Variants in SHROOM3 observed in about 807,000 individuals in gnomAD.
The protein encoded by SHROOM3 is shroom family member 3.
Under a neutral mutation model 138.6 loss-of-function variants are expected in SHROOM3, and 47 were observed. That is an observed-to-expected ratio of 0.34 (90% confidence interval 0.27 to 0.43). The LOEUF (loss-of-function observed/expected upper bound fraction) is 0.43. Ranked by LOEUF, SHROOM3 falls within the 20% of genes least tolerant of loss-of-function variation. The probability of loss-of-function intolerance (pLI) is 1.00; values close to 1 mark genes in which losing one functional copy is unlikely to be tolerated. For synonymous variants in SHROOM3, 1,062 were observed against 1,063.3 expected (o/e 1.00, Z 0.02); for missense variants, 2,491 against 2,596.5 (o/e 0.96, Z 0.88).
intron 1 of SHROOM3, among the ~76,000 whole-genome samples, chr4:76,552,832 A>G (rs1733393485): frequency 6.6e-6 from 1 of 152,062 alleles, no homozygotes; most frequent in African/African-American, 2.4e-5. Context: ...TTGTTTACTC[A>G]GGTTTTGTTT....
Position 76,740,299 on chromosome 4 carries a change from C to T in SHROOM3, c.2126C>T (p.Ala709Val). ...GCAGAAGACCCTGGGAGGAAAGCCG[C>T]TCCTGACCTCGGGAGCCATCTGGAC... is the stretch of plus-strand genomic sequence containing the variant. ...TKAEDPGRKAAPDLGSHLDRQ... is the reference protein window; with the variant it reads ...TKAEDPGRKAVPDLGSHLDRQ... The change falls in exon 5 of 11, where the codon GCT (alanine) becomes GTT (valine). Residue 709 changes from alanine to valine, a missense_variant. Physicochemically the swap from Ala to Val is moderately conservative, Grantham distance 64. Coordinates refer to ENST00000296043, the MANE Select transcript of SHROOM3 (RefSeq NM_020859.4). This position sits in a 1 kb window ranked among gnomAD's most constrained non-coding sequence, Gnocchi z 4.0. 6.8e-6 allele frequency: 11 copies of T among 1,613,166 alleles called. No individual in the cohort carries two copies. Among genetic ancestry groups the T allele is most frequent in the Non-Finnish European group, 9.3e-6 (11 of 1,180,036 alleles).
chr4:76,495,070 TA>T (rs1437802387), intron 1 of SHROOM3, among the ~76,000 whole-genome samples: 16 of 152,262 alleles, frequency 1.1e-4, no homozygotes, highest in Admixed American at 2.0e-4. Flanking sequence ...AGCAGATGGT[TA>T]AAATGCAGTG....
chr4:76,571,130 C>A (rs1370559844), intron 2 of SHROOM3, among the ~76,000 whole-genome samples: 3 of 152,142 alleles, frequency 2.0e-5, no homozygotes. Flanking sequence ...CATTTTCATT[C>A]TTTGATTTAT....
At chr4:76,471,005 TGAGA>T (rs900068682) in intron 1 of SHROOM3, among the ~76,000 whole-genome samples, 11 of 151,936 alleles carry the variant, frequency 7.2e-5, no homozygotes, top group African/African-American at 4.8e-5. Context: ...TGTGTGTGTG[TGAGA>T]GAGAGAGATT....
rs193115901 is a variant in SHROOM3 at position 76,569,250 on chromosome 4, G to T, written c.323+13487G>T. Among the ~76,000 whole-genome samples the T allele has an allele frequency of 1.1e-3, 160 of 152,280 alleles. 2 individuals carry two copies. In the East Asian group the frequency reaches 0.029, roughly 28 times the overall value. On this transcript the variant is annotated intron_variant, in intron 2 of 10. Coordinates refer to ENST00000296043, the MANE Select transcript of SHROOM3 (RefSeq NM_020859.4). ...ATTAGACCGAAATCCAATTTGTCAG[G>T]GGGGGAAATAAAGCAATGGGAAAAG...
At chr4:76,479,739 G>A (rs1241882947) in intron 1 of SHROOM3, among the ~76,000 whole-genome samples, 3 of 152,132 alleles carry the variant, frequency 2.0e-5, no homozygotes, top group African/African-American at 4.8e-5. Flanking sequence ...AAGAAAGGTC[G>A]GGTTACCCAC....
chr4:76,516,178 A>T (rs1579206434), intron 1 of SHROOM3, among the ~76,000 whole-genome samples: 1 of 152,180 alleles, frequency 6.6e-6, no homozygotes, highest in Non-Finnish European at 1.5e-5. Flanking sequence ...ATGACCAAGG[A>T]TACTGACTTT....
At chr4:76,732,648 A>G (rs1441553498) in intron 4 of SHROOM3, among the ~76,000 whole-genome samples, 4 of 152,164 alleles carry the variant, frequency 2.6e-5, no homozygotes, top group African/African-American at 9.7e-5. Context: ...AAGCCAGACT[A>G]CTTTTGCTTT....
chr4:76,486,235 T>C (rs920852467), intron 1 of SHROOM3, among the ~76,000 whole-genome samples: 2 of 152,202 alleles, frequency 1.3e-5, no homozygotes, highest in African/African-American at 2.4e-5. Flanking sequence ...GTATATTTAA[T>C]TGAAAGTTCA....
At chr4:76,443,169 T>C (rs530478581) in intron 1 of SHROOM3, among the ~76,000 whole-genome samples, 7 of 152,258 alleles carry the variant, frequency 4.6e-5, no homozygotes, top group Non-Finnish European at 8.8e-5. Flanking sequence ...AGTTAAAGTC[T>C]TACGCATTTT....
intron 8 of SHROOM3, chr4:76,758,227 C>T (rs1303840940): frequency 6.6e-6 from 1 of 152,218 alleles, no homozygotes; most frequent in Non-Finnish European, 1.5e-5. Flanking sequence ...AGGCAATCCA[C>T]TGGGTACTAT....
chr4:76,500,463 C>T (rs1424958715), intron 1 of SHROOM3, among the ~76,000 whole-genome samples: 1 of 152,138 alleles, frequency 6.6e-6, no homozygotes, highest in Non-Finnish European at 1.5e-5. Flanking sequence ...TAACCCTGTC[C>T]CTGTCTCAGT....
rs1449419011 is a variant in SHROOM3 at position 76,608,275 on chromosome 4, C to T, written c.323+52512C>T. 2.6e-5 allele frequency among the ~76,000 whole-genome samples: 4 copies of T among 152,190 alleles called. No individual in the cohort carries two copies. The East Asian group carries it at 5.8e-4, about 22-fold the overall frequency. ...GCATTCGTTCATCAGTGAGCCTGGT[C>T]CAGCTTCACTTTGGCAAGTGCCCCC... On this transcript the variant is annotated intron_variant, in intron 2 of 10. Transcript: ENST00000296043.
At chr4:76,489,681 T>G (rs1280079952) in intron 1 of SHROOM3, among the ~76,000 whole-genome samples, 1 of 152,156 alleles carries the variant, frequency 6.6e-6, no homozygotes, top group Non-Finnish European at 1.5e-5. Context: ...TGGAGGAAGC[T>G]TTCTTGAAGA....
At chr4:76,580,253 C>T (rs1379090405) in intron 2 of SHROOM3, among the ~76,000 whole-genome samples, 1 of 152,196 alleles carries the variant, frequency 6.6e-6, no homozygotes, top group East Asian at 1.9e-4. Flanking sequence ...CGTGGCATAT[C>T]CTCACTAAGG....
chr4:76,594,484 C>T (rs568765915), intron 2 of SHROOM3, among the ~76,000 whole-genome samples: 16 of 152,182 alleles, frequency 1.1e-4, no homozygotes, highest in Admixed American at 7.2e-4. Flanking sequence ...TGTATGTAAT[C>T]GCAGGATGTC....
At chr4:76,726,468 C>T (rs1384055854) in intron 3 of SHROOM3, among the ~76,000 whole-genome samples, 8 of 149,386 alleles carry the variant, frequency 5.4e-5, no homozygotes, top group Non-Finnish European at 1.0e-4. Context: ...GGCACTCATT[C>T]GCATGCCCCA....
At chr4:76,649,414 C>A (rs1445234302) in intron 2 of SHROOM3, among the ~76,000 whole-genome samples, 1 of 152,120 alleles carries the variant, frequency 6.6e-6, no homozygotes, top group East Asian at 1.9e-4. Flanking sequence ...CATCAAATAC[C>A]AGAAGAAAGC....
chr4:76,513,566 G>A (rs772463720), intron 1 of SHROOM3, among the ~76,000 whole-genome samples: 1 of 152,112 alleles, frequency 6.6e-6, no homozygotes, highest in African/African-American at 2.4e-5. Flanking sequence ...CACCCGTCTC[G>A]GCCTTCCAAA....
Sources: allele counts gnomAD v4.1 joint callset (sites outside exome capture counted in the v4.1 genomes callset), GRCh38; gene constraint gnomAD v4.1.1; non-coding constraint Gnocchi (gnomAD v3.1); transcripts MANE v1.5; gene names NCBI Gene and HGNC (gene_info 2026-07-23, HGNC 2026-07-21).